ATP2C1: variants seen among roughly 807,000 people sequenced by gnomAD.
The protein encoded by ATP2C1 is ATPase secretory pathway Ca2+ transporting 1.
ATP2C1 carries 31 observed loss-of-function variants against 120.5 expected under a neutral mutation model. The observed-to-expected ratio is 0.26, with a 90% CI of 0.19 to 0.35. ATP2C1 has a LOEUF of 0.35. Ranked by LOEUF, ATP2C1 falls within the 10% of genes least tolerant of loss-of-function variation. The probability of loss-of-function intolerance (pLI) is 1.00; values close to 1 mark genes in which losing one functional copy is unlikely to be tolerated. For synonymous variants in ATP2C1, 351 were observed against 358.7 expected (o/e 0.98, Z 0.24); for missense variants, 731 against 1,107.5 (o/e 0.66, Z 4.83).
chr3:130,998,258 C>T (rs774579917), intron 25 of ATP2C1, 36 bp from the exon 26 acceptor site: 3 of 1,348,434 alleles, frequency 2.2e-6, no homozygotes, highest in East Asian at 4.6e-5. Context: ...TTAAATTCAG[C>T]CACTGAAAAG....
At chr3:130,935,537 G>A (rs180931896) in intron 5 of ATP2C1, among the ~76,000 whole-genome samples, 22 of 152,312 alleles carry the variant, frequency 1.4e-4, no homozygotes, top group African/African-American at 5.3e-4. Context: ...TTGTAGAGAT[G>A]CAGCTCTTGA....
At chr3:130,908,960 A>G (rs2058265155) in intron 2 of ATP2C1, among the ~76,000 whole-genome samples, 1 of 152,126 alleles carries the variant, frequency 6.6e-6, no homozygotes, top group South Asian at 2.1e-4. Context: ...ATCTTTTAAG[A>G]GTTGTGATTG....
At chr3:131,000,411 A>C (rs929019796) in intron 27 of ATP2C1, among the ~76,000 whole-genome samples, 2 of 152,196 alleles carry the variant, frequency 1.3e-5, no homozygotes, top group Non-Finnish European at 2.9e-5. Context: ...CATTTTAAGG[A>C]AACATCTGCA....
intron 2 of ATP2C1, among the ~76,000 whole-genome samples, chr3:130,919,475 T>C (rs1364890073): frequency 6.6e-6 from 1 of 152,106 alleles, no homozygotes; most frequent in African/African-American, 2.4e-5. Context: ...TGCCTCAGCC[T>C]CCCAAAGTGC....
intron 1 of ATP2C1, among the ~76,000 whole-genome samples, chr3:130,861,497 C>G (rs764817112): frequency 1.3e-5 from 2 of 152,136 alleles, no homozygotes; most frequent in African/African-American, 4.8e-5. Flanking sequence ...TTCACCCTTC[C>G]TCTGCCTTTT....
chr3:130,965,112 C>A, intron 14 of ATP2C1, 67 bp downstream of exon 14: 1 of 1,069,398 alleles, frequency 9.4e-7, no homozygotes, highest in African/African-American at 1.6e-5. Flanking sequence ...GTTTAACATT[C>A]CTAACAGTTC....
chr3:130,865,851 T>C (rs2068159616), intron 1 of ATP2C1, among the ~76,000 whole-genome samples: 1 of 152,242 alleles, frequency 6.6e-6, no homozygotes, highest in South Asian at 2.1e-4. Context: ...AACAGACTAA[T>C]ATACATAGTT....
At chr3:130,941,055 C>T (rs553086117) in intron 7 of ATP2C1, among the ~76,000 whole-genome samples, 1 of 151,644 alleles carries the variant, frequency 6.6e-6, no homozygotes, top group Non-Finnish European at 1.5e-5. Flanking sequence ...GCTGGGACTA[C>T]AGGTGCCTGC....
At chr3:130,876,443 T>C (rs1360387660) in intron 1 of ATP2C1, among the ~76,000 whole-genome samples, 1 of 152,168 alleles carries the variant, frequency 6.6e-6, no homozygotes, top group Non-Finnish European at 1.5e-5. Flanking sequence ...TGTAAATAGT[T>C]GGATTCATTT....
chr3:130,944,972 G>A (rs2060079401), intron 8 of ATP2C1, among the ~76,000 whole-genome samples: 1 of 152,076 alleles, frequency 6.6e-6, no homozygotes, highest in Non-Finnish European at 1.5e-5. Flanking sequence ...TATGTCAACA[G>A]TTGTTATACT....
intron 2 of ATP2C1, among the ~76,000 whole-genome samples, chr3:130,925,646 C>T (rs2059169007): frequency 6.6e-6 from 1 of 152,156 alleles, no homozygotes; most frequent in South Asian, 2.1e-4. Flanking sequence ...GTCAAGTATT[C>T]AGGTTTCTCA....
At chr3:130,940,036 T>C (rs966227087) in intron 6 of ATP2C1, among the ~76,000 whole-genome samples, 13 of 152,362 alleles carry the variant, frequency 8.5e-5, no homozygotes, top group Admixed American at 3.9e-4. Flanking sequence ...CTCAGCTATT[T>C]GTTATCTGGA....
At chr3:130,942,502 T>G (rs2059967620) in intron 8 of ATP2C1, among the ~76,000 whole-genome samples, 1 of 152,224 alleles carries the variant, frequency 6.6e-6, no homozygotes, top group Admixed American at 6.5e-5. Flanking sequence ...TGTTAACACC[T>G]GCAGAGCAGT....
chr3:130,979,695 C>T (rs2061672523), intron 19 of ATP2C1, among the ~76,000 whole-genome samples: 1 of 151,964 alleles, frequency 6.6e-6, no homozygotes, highest in African/African-American at 2.4e-5. Context: ...ACTGTGATGA[C>T]AGAGTAAAAG....
intron 20 of ATP2C1, among the ~76,000 whole-genome samples, chr3:130,988,649 C>T (rs1377948137): frequency 6.6e-6 from 1 of 152,112 alleles, no homozygotes; most frequent in Non-Finnish European, 1.5e-5. Context: ...GCCTCTGCCT[C>T]CCATAAAGAT....
Position 130,960,373 on chromosome 3 carries a change from C to T in ATP2C1, c.899+1032C>T, listed in dbSNP as rs1239026733. On this transcript the variant is annotated intron_variant, in intron 12 of 27. Transcript: ENST00000510168. ...GTCAACCTTGTGAGTGTGGGATCTA[C>T]CTTGGGTTAAAATATCTCGTGTTCT... Among the ~76,000 whole-genome samples the T allele has an allele frequency of 4.6e-5, 7 of 152,104 alleles. No individual in the cohort carries two copies. In the East Asian group the frequency reaches 1.3e-3, roughly 29 times the overall value.
intron 19 of ATP2C1, among the ~76,000 whole-genome samples, chr3:130,980,204 C>G (rs1377344721): frequency 1.3e-5 from 2 of 151,982 alleles, no homozygotes; most frequent in Non-Finnish European, 2.9e-5. Context: ...ACCTGATTGG[C>G]CTAGTTTCGA....
chr3:130,902,284 G>GTTTTTTTTTTTTTTT (rs1157956407), intron 2 of ATP2C1, among the ~76,000 whole-genome samples: 5 of 65,504 alleles, frequency 7.6e-5, no homozygotes, highest in African/African-American at 2.8e-4. Flanking sequence ...AAGGCTTCAC[G>GTTTTTTTTTTTTTTT]TTTTTTTTTT....
chr3:130,999,771 G>C, intron 27 of ATP2C1, 112 bp downstream of exon 27: 5 of 1,066,440 alleles, frequency 4.7e-6, no homozygotes, highest in Non-Finnish European at 6.8e-6. Context: ...TAACTCACTT[G>C]ATTTGAAAAA....
Sources: gnomAD v4.1 joint callset for allele counts (sites outside exome capture counted in the v4.1 genomes callset) on GRCh38, gnomAD v4.1.1 for gene constraint, MANE v1.5 for transcripts, NCBI Gene and HGNC (gene_info 2026-07-23, HGNC 2026-07-21) for gene names.